Variants in EPM2A observed in about 807,000 individuals in gnomAD.
EPM2A encodes the protein EPM2A glucan phosphatase, laforin, also known as laforin.
In EPM2A, 21 loss-of-function variants were observed where a neutral mutation model predicts 26.5. That is an observed-to-expected ratio of 0.79 (90% CI 0.56 to 1.14). EPM2A has a LOEUF of 1.14. Ranked by LOEUF, EPM2A falls within the 50% of genes most tolerant of loss-of-function variation. The pLI is 0.00. For missense variants in EPM2A, 458 were observed against 440.8 expected, an observed-to-expected ratio of 1.04 and a Z score of -0.35; for synonymous variants, 217 against 177.6, an observed-to-expected ratio of 1.22 and a Z score of -1.76.
At chr6:145,635,114 A>G in intron 3 of EPM2A, 131 bp downstream of exon 3, 3 of 1,042,264 alleles carry the variant, frequency 2.9e-6, no homozygotes, top group Admixed American at 4.2e-5. Context: ...TATTATATAT[A>G]TTAAATCTAA....
At chr6:145,455,263 A>G (rs965244489) in intron 4 of EPM2A, among the ~76,000 whole-genome samples, 32 of 151,132 alleles carry the variant, frequency 2.1e-4, no homozygotes, top group Admixed American at 6.0e-4. Context: ...TTATATATTC[A>G]TAAGTGAATA....
At chr6:145,691,112 C>A (rs967491738) in intron 1 of EPM2A, among the ~76,000 whole-genome samples, 1 of 151,770 alleles carries the variant, frequency 6.6e-6, no homozygotes, top group Non-Finnish European at 1.5e-5. Context: ...TGCCGGAAAA[C>A]TTTTCAAATT....
At chr6:145,487,500 ATC>A (rs1308833913) in intron 4 of EPM2A, among the ~76,000 whole-genome samples, 1 of 152,152 alleles carries the variant, frequency 6.6e-6, no homozygotes, top group Admixed American at 6.6e-5. Flanking sequence ...CATCGCCAGC[ATC>A]TGTTATTTTT....
chr6:145,723,271 T>C (rs1340245886), intron 1 of EPM2A, among the ~76,000 whole-genome samples: 1 of 152,106 alleles, frequency 6.6e-6, no homozygotes, highest in Non-Finnish European at 1.5e-5. Flanking sequence ...AATCTAAGAA[T>C]ATAAAACCTC....
chr6:145,416,937 T>A (rs1778716455), intron 4 of EPM2A, among the ~76,000 whole-genome samples: 1 of 152,154 alleles, frequency 6.6e-6, no homozygotes, highest in Admixed American at 6.6e-5. Flanking sequence ...AAAATAATTT[T>A]AAAAACTGTA....
intron 2 of EPM2A, chr6:145,640,589 G>T (rs1304026510): frequency 6.6e-6 from 1 of 152,084 alleles, no homozygotes; most frequent in Non-Finnish European, 1.5e-5. Flanking sequence ...AGAAAAAAAA[G>T]CACATTTCCT....
chr6:145,434,690 T>C (rs557544536), intron 4 of EPM2A, among the ~76,000 whole-genome samples: 1 of 152,328 alleles, frequency 6.6e-6, no homozygotes, highest in East Asian at 1.9e-4. Context: ...ATATTCACTA[T>C]GTTGCCCAAA....
At chr6:145,550,818 CTATA>C (rs974981922) in intron 2 of EPM2A, among the ~76,000 whole-genome samples, 1 of 151,872 alleles carries the variant, frequency 6.6e-6, no homozygotes, top group African/African-American at 2.4e-5. Context: ...TAAGAATAAA[CTATA>C]TAATACATAC....
chr6:145,445,796 G>T (rs1181438128), intron 4 of EPM2A, among the ~76,000 whole-genome samples: 2 of 152,112 alleles, frequency 1.3e-5, no homozygotes, highest in Non-Finnish European at 2.9e-5. Context: ...AGTTAAAAAT[G>T]GCTATAAATT....
downstream of EPM2A, among the ~76,000 whole-genome samples, chr6:145,622,531 T>A (rs908174198): frequency 1.3e-5 from 2 of 151,938 alleles, no homozygotes; most frequent in African/African-American, 4.8e-5. Flanking sequence ...CATATTAGAG[T>A]CGAGTGGGCC....
chr6:145,538,176 C>T lies in EPM2A; in HGVS notation c.341-35601G>A, dbSNP rs140845739. Among the ~76,000 whole-genome samples the T allele has an allele frequency of 1.6e-3, 247 of 152,222 alleles. 3 individuals are homozygous for T. Among genetic ancestry groups the T allele is most frequent in the African/African-American group, 5.7e-3 (235 of 41,546 alleles). ...CTGGTTCTAGATCCTTGAGGAATCA[C>T]CACACTGTCTTCCACAATGGTTGAA... On this transcript the variant is annotated intron_variant, in intron 2 of 3. Coordinates refer to the EPM2A transcript ENST00000450221.
chr6:145,410,348 G>T (rs1778627539), intron 4 of EPM2A, among the ~76,000 whole-genome samples: 1 of 152,118 alleles, frequency 6.6e-6, no homozygotes, highest in African/African-American at 2.4e-5. Flanking sequence ...GAATTACTGA[G>T]AAGAATAATC....
At chr6:145,390,840 C>A (rs939528128) in intron 4 of EPM2A, among the ~76,000 whole-genome samples, 2 of 152,032 alleles carry the variant, frequency 1.3e-5, no homozygotes, top group African/African-American at 4.8e-5. Flanking sequence ...TCTCACTAGT[C>A]CAACACCTGC....
rs1403270266 is a variant in EPM2A, at chr6:145,665,697, CA to C, written c.476+20424del. 2.1e-5 allele frequency among the ~76,000 whole-genome samples: 3 copies of C among 141,048 alleles called. No homozygotes were observed. In the East Asian group the frequency reaches 6.8e-4, roughly 32 times the overall value. The allele number at this position is 141,048 out of a possible 152,430, so 92.5% of individuals were successfully genotyped here. A position where few individuals can be genotyped will look rare whatever the true frequency, so the allele number is the denominator to read the frequency against. Reference sequence around the variant, plus strand: ...GCATCATTCTGATACCAAAGCCAGGCAGAGACACAACCAAAAAAGAGAATTT... The same window carrying C: ...GCATCATTCTGATACCAAAGCCAGGCGAGACACAACCAAAAAAGAGAATTT... On this transcript the variant is annotated intron_variant, in intron 2 of 3. Transcript: ENST00000367519.
intron 2 of EPM2A, among the ~76,000 whole-genome samples, chr6:145,547,508 T>C (rs932774324): frequency 6.6e-6 from 1 of 152,128 alleles, no homozygotes; most frequent in Non-Finnish European, 1.5e-5. Context: ...GTTTAAGCCT[T>C]TGGGTGTACA....
At chr6:145,603,613 C>T (rs1012421909) in intron 2 of EPM2A, among the ~76,000 whole-genome samples, 9 of 152,208 alleles carry the variant, frequency 5.9e-5, no homozygotes, top group Non-Finnish European at 8.8e-5. Flanking sequence ...AATGAATCTA[C>T]TTTCCTCTTT....
chr6:145,516,015 C>A (rs557246686), intron 2 of EPM2A, among the ~76,000 whole-genome samples: 1 of 152,272 alleles, frequency 6.6e-6, no homozygotes, highest in Admixed American at 6.5e-5. Context: ...GGATCTAATG[C>A]TACTAGAAGC....
At chr6:145,511,640 A>G (rs1011003200) in intron 2 of EPM2A, among the ~76,000 whole-genome samples, 2 of 152,228 alleles carry the variant, frequency 1.3e-5, no homozygotes, top group Non-Finnish European at 2.9e-5. Context: ...CACAGTTAAC[A>G]TAATACTGAA....
At chr6:145,439,002 C>T (rs796286536) in intron 4 of EPM2A, among the ~76,000 whole-genome samples, 9 of 152,074 alleles carry the variant, frequency 5.9e-5, no homozygotes, top group African/African-American at 2.2e-4. Flanking sequence ...TCTGTTGTTC[C>T]CCTCTTTCTC....
Sources: gnomAD v4.1 joint callset for allele counts (sites outside exome capture counted in the v4.1 genomes callset) on GRCh38, gnomAD v4.1.1 for gene constraint, MANE v1.5 for transcripts, NCBI Gene and HGNC (gene_info 2026-07-23, HGNC 2026-07-21) for gene names.